Variants in VAV3 observed in about 807,000 individuals in gnomAD.
VAV3 encodes vav guanine nucleotide exchange factor 3, also known as guanine nucleotide exchange factor VAV3.
Under a neutral mutation model 131.2 loss-of-function variants are expected in VAV3, and 94 were observed. That is an observed-to-expected ratio of 0.72 (90% CI 0.61 to 0.85). The LOEUF is 0.85. Among genes scored for constraint, VAV3 ranks in the 40% least tolerant of loss-of-function variants. VAV3 has a pLI of 0.00. For synonymous variants in VAV3, 349 were observed against 342.0 expected (o/e 1.02, Z -0.22); for missense variants, 939 against 1,002.7 (o/e 0.94, Z 0.86).
chr1:107,680,047 T>C (rs1467997375), intron 19 of VAV3, among the ~76,000 whole-genome samples: 1 of 152,174 alleles, frequency 6.6e-6, no homozygotes. Context: ...GCAAATATTG[T>C]CTATAAAGAT....
chr1:107,689,516 T>G (rs1659274106), intron 17 of VAV3, among the ~76,000 whole-genome samples: 1 of 151,724 alleles, frequency 6.6e-6, no homozygotes, highest in African/African-American at 2.4e-5. Context: ...CTAGCTTTTT[T>G]TTTTCTTTTT....
chr1:107,655,348 G>T (rs1218504230), intron 19 of VAV3, among the ~76,000 whole-genome samples: 1 of 151,998 alleles, frequency 6.6e-6, no homozygotes, highest in African/African-American at 2.4e-5. Flanking sequence ...TTTTGATAAA[G>T]GCGCCAAGAA....
chr1:107,808,110 A>C (rs985936023), intron 2 of VAV3, among the ~76,000 whole-genome samples: 3 of 152,202 alleles, frequency 2.0e-5, no homozygotes, highest in Admixed American at 6.5e-5. Context: ...CTCAAAACAA[A>C]GATATTTTAT....
chr1:107,600,032 G>A (rs1432552557), intron 24 of VAV3, among the ~76,000 whole-genome samples: 4 of 151,874 alleles, frequency 2.6e-5, no homozygotes, highest in Non-Finnish European at 4.4e-5. Context: ...GCTAAAACAT[G>A]AGCCATTCCT....
intron 6 of VAV3, 97 bp from the exon 7 acceptor site, chr1:107,768,606 C>T (rs1365928492): frequency 2.0e-6 from 2 of 1,020,444 alleles, no homozygotes; most frequent in African/African-American, 1.6e-5. Context: ...TTTTGAAAGT[C>T]AATTGTTGAT....
At chr1:107,854,941 T>G (rs774489561) in intron 2 of VAV3, among the ~76,000 whole-genome samples, 1 of 152,208 alleles carries the variant, frequency 6.6e-6, no homozygotes, top group Non-Finnish European at 1.5e-5. Flanking sequence ...TTCCCCTACA[T>G]AGCGACCGAG....
intron 1 of VAV3, among the ~76,000 whole-genome samples, chr1:107,922,768 C>G (rs978248391): frequency 4.0e-5 from 6 of 150,934 alleles, no homozygotes; most frequent in Admixed American, 1.3e-4. Flanking sequence ...CTGGCTAACA[C>G]AGTGAAACCC....
intron 20 of VAV3, among the ~76,000 whole-genome samples, chr1:107,640,384 G>C (rs1443857352): frequency 6.6e-6 from 1 of 152,098 alleles, no homozygotes; most frequent in Non-Finnish European, 1.5e-5. Flanking sequence ...TATGCTATGT[G>C]ATGCACATCA....
At chr1:107,804,347 T>C (rs1006735799) in intron 2 of VAV3, among the ~76,000 whole-genome samples, 2 of 152,160 alleles carry the variant, frequency 1.3e-5, no homozygotes, top group African/African-American at 4.8e-5. Flanking sequence ...TGTGGTTAAG[T>C]GACTTCCTCT....
At chr1:107,867,224 CA>C (rs1166109685) in intron 2 of VAV3, among the ~76,000 whole-genome samples, 1 of 152,092 alleles carries the variant, frequency 6.6e-6, no homozygotes, top group Non-Finnish European at 1.5e-5. Context: ...AATATTATTC[CA>C]GAAGTTTTCA....
At chr1:107,778,451 G>T (rs1432494517) in intron 3 of VAV3, among the ~76,000 whole-genome samples, 2 of 152,078 alleles carry the variant, frequency 1.3e-5, no homozygotes, top group Non-Finnish European at 2.9e-5. Flanking sequence ...GACATGAAAG[G>T]TATGCATGTA....
chr1:107,776,973 T>G (rs1227784084), intron 4 of VAV3, among the ~76,000 whole-genome samples: 1 of 152,248 alleles, frequency 6.6e-6, no homozygotes, highest in Admixed American at 6.5e-5. Context: ...ATCTACTACT[T>G]CTGTTATGCC....
At chr1:107,913,071 CTA>C (rs1216552364) in intron 1 of VAV3, among the ~76,000 whole-genome samples, 2 of 152,140 alleles carry the variant, frequency 1.3e-5, no homozygotes, top group African/African-American at 4.8e-5. Flanking sequence ...TTTTTAAAAA[CTA>C]TATAGATTTT....
intron 1 of VAV3, among the ~76,000 whole-genome samples, chr1:107,951,825 T>G (rs1571184541): frequency 6.7e-6 from 1 of 149,536 alleles, no homozygotes; most frequent in Non-Finnish European, 1.5e-5. Context: ...AAAAAAAACA[T>G]GCTGACAAGA....
chr1:107,960,323 G>A (rs546061304), intron 1 of VAV3, among the ~76,000 whole-genome samples: 98 of 152,158 alleles, frequency 6.4e-4, no homozygotes, highest in South Asian at 2.9e-3. Context: ...AAAAGTAGCC[G>A]GGAGTAGTGG....
chr1:107,598,720 T>C (rs570523212), intron 24 of VAV3, among the ~76,000 whole-genome samples: 3 of 152,270 alleles, frequency 2.0e-5, no homozygotes, highest in South Asian at 2.1e-4. Flanking sequence ...AGACAAGGTA[T>C]AGAATTAAAT....
chr1:107,918,214 C>T lies in VAV3; in HGVS notation c.205-43197G>A, dbSNP rs76121422. 2.7e-3 allele frequency among the ~76,000 whole-genome samples: 415 copies of T among 152,080 alleles called. 1 individual carries two copies. Among genetic ancestry groups the T allele is most frequent in the African/African-American group, 9.6e-3 (398 of 41,472 alleles). ...ACAGGCAGGGTTGGGAAAGATAGCACAGTAAGAAAGGGACATGCTGGAAAT... is the reference window on the plus strand; with the variant it reads ...ACAGGCAGGGTTGGGAAAGATAGCATAGTAAGAAAGGGACATGCTGGAAAT... On this transcript the variant is annotated intron_variant, in intron 1 of 26. Coordinates refer to ENST00000370056, the MANE Select transcript of VAV3 (RefSeq NM_006113.5).
At chr1:107,784,521 A>G (rs1179002187) in intron 2 of VAV3, among the ~76,000 whole-genome samples, 1 of 152,240 alleles carries the variant, frequency 6.6e-6, no homozygotes. Flanking sequence ...AAAAGGCATG[A>G]TATTCAATAT....
At position 107,777,254 on chromosome 1, in the gene VAV3, G is replaced by A; in HGVS notation, c.423C>T (p.Tyr141=). 6.2e-7 allele frequency: 1 copy of A among 1,614,076 alleles called. No individual in the cohort carries two copies. The highest frequency in any genetic ancestry group is 8.5e-7 in the Non-Finnish European group (1 of 1,179,972). Residue 141 remains tyrosine, a synonymous_variant, in exon 4 of 27, where the codon TAC becomes TAT. Coordinates refer to ENST00000370056, the MANE Select transcript of VAV3 (RefSeq NM_006113.5). ...TEESINDEDI[Y]KGLPDLIDET... is the part of the protein sequence containing the mutation. ...ACTCTATTAAATCAGGAAGGCCTTTGTAGATGTCTTCATCATTAATGCTTT... is the reference window on the plus strand; with the variant it reads ...ACTCTATTAAATCAGGAAGGCCTTTATAGATGTCTTCATCATTAATGCTTT...
Sources: allele counts gnomAD v4.1 joint callset (sites outside exome capture counted in the v4.1 genomes callset), GRCh38; gene constraint gnomAD v4.1.1; transcripts MANE v1.5; gene names NCBI Gene and HGNC (gene_info 2026-07-23, HGNC 2026-07-21).